The following KCNH1 variants were observed in gnomAD, a reference collection of about 807,000 sequenced individuals.
KCNH1 encodes potassium voltage-gated channel subfamily H member 1.
KCNH1 carries 27 observed loss-of-function variants against 69.2 expected under a neutral mutation model. That is an observed-to-expected ratio of 0.39 (90% CI 0.29 to 0.54). The LOEUF (loss-of-function observed/expected upper bound fraction) is 0.54. Ranked by LOEUF, KCNH1 falls within the 20% of genes least tolerant of loss-of-function variation. The pLI, the probability that KCNH1 is intolerant of heterozygous loss-of-function variation, is 0.68. For missense variants in KCNH1, 798 were observed against 1,261.6 expected, an observed-to-expected ratio of 0.63 and a Z score of 5.57; for synonymous variants, 456 against 487.7, an observed-to-expected ratio of 0.93 and a Z score of 0.86.
At chr1:210,810,647 T>C (rs1056269439) in intron 7 of KCNH1, among the ~76,000 whole-genome samples, 10 of 152,198 alleles carry the variant, frequency 6.6e-5, no homozygotes, top group African/African-American at 1.9e-4. Context: ...TTAATTTCCA[T>C]GAGATTTTTT....
chr1:210,715,361 A>AACAC (rs1345168601), intron 10 of KCNH1, among the ~76,000 whole-genome samples: 2 of 152,164 alleles, frequency 1.3e-5, no homozygotes, highest in Admixed American at 1.3e-4. Context: ...AGACTTAAAT[A>AACAC]ACACACAATA....
chr1:211,101,523 C>T, intron 3 of KCNH1, among the ~76,000 whole-genome samples: 1 of 152,166 alleles, frequency 6.6e-6, no homozygotes, highest in Non-Finnish European at 1.5e-5. Flanking sequence ...CCCACTGGCC[C>T]ACTAGTCATC....
intron 6 of KCNH1, among the ~76,000 whole-genome samples, chr1:210,956,410 G>C (rs939126044): frequency 5.9e-5 from 9 of 152,120 alleles, no homozygotes; most frequent in African/African-American, 2.2e-4. Context: ...GATGATGCTG[G>C]CTTCATAAAA....
At chr1:210,689,331 T>C (rs776684217) in intron 10 of KCNH1, among the ~76,000 whole-genome samples, 3 of 152,200 alleles carry the variant, frequency 2.0e-5, no homozygotes, top group Non-Finnish European at 2.9e-5. Context: ...GCCTAACCTG[T>C]TCTCCCCTTG....
chr1:210,861,470 CT>C (rs1685976575), intron 7 of KCNH1: 1 of 775,370 alleles, frequency 1.3e-6, no homozygotes, highest in African/African-American at 1.7e-5. Flanking sequence ...TTCAAAAAGT[CT>C]TGCTAAAATA....
intron 1 of KCNH1, among the ~76,000 whole-genome samples, chr1:211,111,340 GC>G (rs1031712393): frequency 1.3e-5 from 2 of 150,580 alleles, no homozygotes; most frequent in Non-Finnish European, 3.0e-5. Flanking sequence ...CCTCTGCCCG[GC>G]CCCCCCACCG....
intron 10 of KCNH1, among the ~76,000 whole-genome samples, chr1:210,700,382 C>T (rs1681744487): frequency 6.6e-6 from 1 of 152,154 alleles, no homozygotes; most frequent in Admixed American, 6.5e-5. Context: ...CATCTGGGCC[C>T]CTCTAGCCAG....
chr1:210,915,891 C>G (rs1024149056), intron 7 of KCNH1, among the ~76,000 whole-genome samples: 2 of 152,120 alleles, frequency 1.3e-5, no homozygotes, highest in Non-Finnish European at 2.9e-5. Context: ...AGCCAAGAAA[C>G]ACTATTACTA....
chr1:211,058,035 T>C (rs1475780754), intron 5 of KCNH1, among the ~76,000 whole-genome samples: 1 of 152,160 alleles, frequency 6.6e-6, no homozygotes, highest in Non-Finnish European at 1.5e-5. Context: ...GGAATCCTTA[T>C]AGGCCAGGAG....
intron 7 of KCNH1, chr1:210,862,278 G>T: frequency 1.0e-6 from 1 of 960,426 alleles, no homozygotes; most frequent in East Asian, 2.5e-5. Context: ...TGGTGTTGGG[G>T]TCCATTGCAG....
intron 3 of KCNH1, among the ~76,000 whole-genome samples, chr1:211,101,648 G>C (rs560281662): frequency 7.2e-5 from 11 of 152,170 alleles, no homozygotes; most frequent in Non-Finnish European, 1.3e-4. Flanking sequence ...CCCCTAAGCA[G>C]GGTATAGCCT....
chr1:210,844,534 A>T (rs529298941), intron 7 of KCNH1, among the ~76,000 whole-genome samples: 1 of 152,354 alleles, frequency 6.6e-6, no homozygotes, highest in Admixed American at 6.5e-5. Context: ...ACCAATGAGA[A>T]CAAAGACACA....
chr1:211,014,749 T>C (rs1689461332), intron 6 of KCNH1, among the ~76,000 whole-genome samples: 17 of 152,224 alleles, frequency 1.1e-4, no homozygotes. Flanking sequence ...ATGATTCAGC[T>C]AGCTCCACAT....
intron 1 of KCNH1, among the ~76,000 whole-genome samples, chr1:211,109,572 G>A (rs1370904168): frequency 6.6e-6 from 1 of 152,178 alleles, no homozygotes; most frequent in Non-Finnish European, 1.5e-5. Flanking sequence ...AGGAAAAACT[G>A]AGTGTGCTTT....
chr1:210,693,926 A>T (rs560678499), intron 10 of KCNH1, among the ~76,000 whole-genome samples: 2 of 152,238 alleles, frequency 1.3e-5, no homozygotes, highest in Admixed American at 1.3e-4. Flanking sequence ...GCATGTGCAA[A>T]CCACAAGCCT....
chr1:210,783,946 T>C (rs1449232844), intron 9 of KCNH1, among the ~76,000 whole-genome samples: 5 of 152,230 alleles, frequency 3.3e-5, no homozygotes, highest in African/African-American at 1.2e-4. Context: ...AGAAAAAGCA[T>C]GAGCTTCCAT....
chr1:210,720,061 T>C (rs145852103), intron 10 of KCNH1, among the ~76,000 whole-genome samples: 161 of 152,304 alleles, frequency 1.1e-3, no homozygotes, highest in African/African-American at 3.5e-3. Context: ...TGCAGTACAC[T>C]GGGAACATCT....
At position 211,117,148 on chromosome 1, in the gene KCNH1, C is replaced by T. The variant is rs190688540; in HGVS notation, c.80-9771G>A. Reference sequence around the variant, plus strand: ...GGCCACTTTTAGAACACTGCTGATGCTGTGTAAGCTCTTTTCACTGTCTTT... The same window carrying T: ...GGCCACTTTTAGAACACTGCTGATGTTGTGTAAGCTCTTTTCACTGTCTTT... On this transcript the variant is annotated intron_variant, in intron 1 of 10. Transcript: ENST00000271751. Among the ~76,000 whole-genome samples the T allele has an allele frequency of 1.7e-3, 258 of 152,320 alleles. 1 individual carries two copies. Among genetic ancestry groups the T allele is most frequent in the Non-Finnish European group, 3.2e-3 (219 of 68,030 alleles).
intron 10 of KCNH1, among the ~76,000 whole-genome samples, chr1:210,705,914 A>AATC (rs1681900495): frequency 6.6e-6 from 1 of 152,334 alleles, no homozygotes; most frequent in East Asian, 1.9e-4. Flanking sequence ...CTATAATCAT[A>AATC]ATCAGCAGCA....
Sources: gnomAD v4.1 joint callset for allele counts (sites outside exome capture counted in the v4.1 genomes callset) on GRCh38, gnomAD v4.1.1 for gene constraint, MANE v1.5 for transcripts, NCBI Gene and HGNC (gene_info 2026-07-23, HGNC 2026-07-21) for gene names.